The following PLEKHG1 variants were observed in gnomAD, a reference collection of about 807,000 sequenced individuals.
The protein encoded by PLEKHG1 is pleckstrin homology domain-containing family G member 1.
Under a neutral mutation model 100.8 loss-of-function variants are expected in PLEKHG1, and 44 were observed. That is an observed-to-expected ratio of 0.44 (90% CI 0.34 to 0.56). The LOEUF (loss-of-function observed/expected upper bound fraction) is 0.56. Ranked by LOEUF, PLEKHG1 falls within the 20% of genes least tolerant of loss-of-function variation. The pLI, the probability that PLEKHG1 is intolerant of heterozygous loss-of-function variation, is 0.01. For missense variants in PLEKHG1, 1,545 were observed against 1,720.9 expected (o/e 0.90, Z 1.81); for synonymous variants, 640 against 662.5 (o/e 0.97, Z 0.52).
chr6:150,782,555 A>G (rs1232070630), intron 3 of PLEKHG1, among the ~76,000 whole-genome samples: 8 of 152,170 alleles, frequency 5.3e-5, no homozygotes, highest in Non-Finnish European at 7.3e-5. Context: ...TGCCATTAAA[A>G]TACTCCCTCC....
chr6:150,610,286 G>T (rs1251325623), intron 1 of PLEKHG1, among the ~76,000 whole-genome samples: 1 of 152,138 alleles, frequency 6.6e-6, no homozygotes, highest in Non-Finnish European at 1.5e-5. Context: ...ATTTTTAGTG[G>T]AGATGGGGTT....
chr6:150,786,414 C>T, exon 4 of PLEKHG1: 3 of 1,613,190 alleles, frequency 1.9e-6, no homozygotes, highest in Non-Finnish European at 2.5e-6. Flanking sequence ...ATTTGGAAAA[C>T]TGTGAAAATG....
chr6:150,622,267 A>G (rs1180227808), intron 1 of PLEKHG1, among the ~76,000 whole-genome samples: 1 of 152,218 alleles, frequency 6.6e-6, no homozygotes, highest in Non-Finnish European at 1.5e-5. Context: ...TTTTGGCCCA[A>G]AGGTAAAGAA....
intron 4 of PLEKHG1, among the ~76,000 whole-genome samples, chr6:150,795,479 C>T (rs532914969): frequency 6.6e-6 from 1 of 151,954 alleles, no homozygotes; most frequent in South Asian, 2.1e-4. Context: ...GACTGAAAGC[C>T]TTATCAAAAG....
chr6:150,815,309 C>G (rs1787802631), intron 10 of PLEKHG1, among the ~76,000 whole-genome samples: 1 of 152,090 alleles, frequency 6.6e-6, no homozygotes, highest in Admixed American at 6.6e-5. Context: ...AATGATGGTC[C>G]TTGGCTGACA....
intron 15 of PLEKHG1, among the ~76,000 whole-genome samples, chr6:150,833,143 G>T (rs1006838926): frequency 2.0e-5 from 3 of 150,560 alleles, no homozygotes; most frequent in African/African-American, 2.4e-5. Flanking sequence ...CCTGGGCTCA[G>T]GTGATCCTCC....
intron 1 of PLEKHG1, among the ~76,000 whole-genome samples, chr6:150,628,086 A>T (rs1267138679): frequency 2.0e-5 from 3 of 152,190 alleles, no homozygotes; most frequent in South Asian, 2.1e-4. Context: ...TTGTGAATTC[A>T]ATTATTCTTA....
At chr6:150,692,114 A>T (rs1342527553) in intron 3 of PLEKHG1, among the ~76,000 whole-genome samples, 3 of 152,242 alleles carry the variant, frequency 2.0e-5, no homozygotes, top group Non-Finnish European at 4.4e-5. Flanking sequence ...ACCTCACCCC[A>T]TATAAGGCCT....
At chr6:150,606,267 T>C (rs1439113821) in intron 1 of PLEKHG1, among the ~76,000 whole-genome samples, 1 of 152,214 alleles carries the variant, frequency 6.6e-6, no homozygotes, top group Non-Finnish European at 1.5e-5. Context: ...TCTGCAGAGA[T>C]GTGTGAAACC....
Position 150,809,775 on chromosome 6 carries a change from A to G in PLEKHG1, c.1278+41A>G, listed in dbSNP as rs201228242. The G allele has an allele frequency of 3.4e-6, 5 of 1,487,290 alleles. No homozygotes were observed. In the Admixed American group the frequency reaches 5.1e-5, roughly 15 times the overall value. 92.1% of individuals were successfully genotyped at this position (1,487,290 alleles called of 1,614,324 possible). On this transcript the variant is annotated intron_variant, in intron 10 of 15. Transcript: ENST00000358517. ...ATGCACAGTGAAATGGGAGAGAGAT[A>G]CAAGAATCATTTGAACCTGGGAGGT...
chr6:150,629,954 G>A (rs1030287175), intron 1 of PLEKHG1, among the ~76,000 whole-genome samples: 16 of 152,248 alleles, frequency 1.1e-4, no homozygotes, highest in African/African-American at 3.9e-4. Flanking sequence ...ATTAGACAAA[G>A]AATATTTTAT....
At chr6:150,695,602 A>G (rs654698) in intron 3 of PLEKHG1, among the ~76,000 whole-genome samples, 19,599 of 152,212 alleles carry the variant, frequency 0.13, 1,862 homozygotes, top group African/African-American at 0.26. Context: ...GCCTCGAATT[A>G]CCCATCTTTC....
chr6:150,810,112 A>G, intron 10 of PLEKHG1, among the ~76,000 whole-genome samples: 1 of 152,004 alleles, frequency 6.6e-6, no homozygotes, highest in East Asian at 2.0e-4. Flanking sequence ...CCTGGGCAAC[A>G]AAGTGATACC....
chr6:150,786,224 C>G (rs1258021960), intron 3 of PLEKHG1, among the ~76,000 whole-genome samples, 166 bp from the exon 5 acceptor site: 1 of 152,178 alleles, frequency 6.6e-6, no homozygotes, highest in Non-Finnish European at 1.5e-5. Flanking sequence ...TGACCTTGGG[C>G]AAGTCCCTTA....
intron 3 of PLEKHG1, among the ~76,000 whole-genome samples, chr6:150,692,507 GAA>G (rs1313610451): frequency 6.6e-6 from 1 of 152,152 alleles, no homozygotes; most frequent in African/African-American, 2.4e-5. Context: ...ATGCTGGAAA[GAA>G]AAGAATTTTT....
chr6:150,732,511 T>C (rs1324247989), intron 1 of PLEKHG1, among the ~76,000 whole-genome samples: 1 of 152,242 alleles, frequency 6.6e-6, no homozygotes, highest in Non-Finnish European at 1.5e-5. Context: ...GGCAACTTCA[T>C]CATTGTATGA....
intron 1 of PLEKHG1, among the ~76,000 whole-genome samples, chr6:150,611,976 C>T (rs60727565): frequency 0.025 from 3,769 of 150,892 alleles, 134 homozygotes; most frequent in African/African-American, 0.085. Context: ...ACAATTGACT[C>T]AAAGTCACCA....
At position 150,827,846 on chromosome 6, in the gene PLEKHG1, C is replaced by T. The variant is rs768086881; in HGVS notation, c.1471-2736C>T. 28 of 1,438,452 alleles carry T rather than the reference C, an allele frequency of 1.9e-5. No individual in the cohort carries two copies. The African/African-American group carries it at 2.4e-4, about 12-fold the overall frequency. 89.1% of individuals were successfully genotyped at this position (1,438,452 alleles called of 1,614,324 possible). On this transcript the variant is annotated intron_variant, in intron 14 of 15. Coordinates refer to ENST00000358517, the Ensembl canonical transcript of PLEKHG1. ...TGGAAGAGCTGGAGGATCACGAAGG[C>T]GAGTTTAATGAGGAGGATGAATGTG...
chr6:150,823,631 G>GAA, intron 13 of PLEKHG1, 23 bp from the exon 15 acceptor site: 1 of 1,565,262 alleles, frequency 6.4e-7, no homozygotes, highest in Non-Finnish European at 8.8e-7. Context: ...TCTCAAACTT[G>GAA]AAAAAAAACT....
Sources: gnomAD v4.1 joint callset for allele counts (sites outside exome capture counted in the v4.1 genomes callset) on GRCh38, gnomAD v4.1.1 for gene constraint, MANE v1.5 for transcripts, NCBI Gene and HGNC (gene_info 2026-07-23, HGNC 2026-07-21) for gene names.